Variants in PTPRJ observed in about 807,000 individuals in gnomAD.
PTPRJ encodes the protein protein tyrosine phosphatase receptor type J.
Under a neutral mutation model 141.3 loss-of-function variants are expected in PTPRJ, and 129 were observed. The ratio of observed to expected loss-of-function variants is 0.91; its 90% CI spans 0.79 to 1.06. The LOEUF (loss-of-function observed/expected upper bound fraction) is 1.06, where lower values mean the gene tolerates loss of function less well. Ranked by LOEUF, PTPRJ falls within the 50% of genes least tolerant of loss-of-function variation. The pLI is 0.00. For synonymous variants in PTPRJ, 610 were observed against 640.5 expected, an observed-to-expected ratio of 0.95 and a Z score of 0.72; for missense variants, 1,601 against 1,679.7, an observed-to-expected ratio of 0.95 and a Z score of 0.82.
chr11:48,151,350 C>T (rs560383775), intron 18 of PTPRJ, among the ~76,000 whole-genome samples: 1 of 151,396 alleles, frequency 6.6e-6, no homozygotes, highest in South Asian at 2.1e-4. Context: ...CCTCATGTGT[C>T]TATGTCTCTT....
chr11:48,139,847 C>T, intron 11 of PTPRJ, 71 bp downstream of exon 11: 1 of 1,491,406 alleles, frequency 6.7e-7, no homozygotes, highest in East Asian at 2.3e-5. Context: ...CACAGTGGGT[C>T]TGCACGTGTG....
At chr11:48,039,211 A>T (rs1258018067) in intron 1 of PTPRJ, among the ~76,000 whole-genome samples, 1 of 151,518 alleles carries the variant, frequency 6.6e-6, no homozygotes, top group African/African-American at 2.4e-5. Context: ...AGCACTTGCT[A>T]TGCTGCTAAC....
At chr11:48,113,352 A>G (rs1250487677) in intron 3 of PTPRJ, among the ~76,000 whole-genome samples, 1 of 152,202 alleles carries the variant, frequency 6.6e-6, no homozygotes, top group Non-Finnish European at 1.5e-5. Context: ...TAGTATATAC[A>G]TTTCTACAGG....
intron 1 of PTPRJ, among the ~76,000 whole-genome samples, chr11:48,080,914 A>G (rs1286832335): frequency 2.6e-5 from 4 of 152,234 alleles, no homozygotes; most frequent in Non-Finnish European, 4.4e-5. Context: ...TATTGGGGGC[A>G]CTCAGGAATT....
chr11:48,134,943 T>G (rs1263333652), intron 8 of PTPRJ, among the ~76,000 whole-genome samples: 1 of 152,174 alleles, frequency 6.6e-6, no homozygotes, highest in Non-Finnish European at 1.5e-5. Context: ...GTTTTCCTCT[T>G]TGGTATGTAA....
In PTPRJ at chr11:48,145,014, G is replaced by T; in HGVS notation, c.2801G>T (p.Gly934Val). 6.2e-7 allele frequency: 1 copy of T among 1,614,112 alleles called. No individual in the cohort carries two copies. The highest frequency in any genetic ancestry group is 1.1e-5 in the South Asian group (1 of 91,074). Reference sequence around the variant, plus strand: ...TTATCCCACAGGGCTTGTGTGGCTGGCTTCACCAACATTACCTTCCACCCT... The same window carrying T: ...TTATCCCACAGGGCTTGTGTGGCTGTCTTCACCAACATTACCTTCCACCCT... The part of the protein sequence containing the change: ...PLGSYRACVA[G>V]FTNITFHPQN... Residue 934 changes from glycine (G) to valine (V), a missense_variant, in exon 14 of 25, where the codon GGC becomes GTC. Transcript: ENST00000418331.
intron 6 of PTPRJ, among the ~76,000 whole-genome samples, chr11:48,125,552 T>A (rs556550227): frequency 6.6e-6 from 1 of 152,268 alleles, no homozygotes; most frequent in Non-Finnish European, 1.5e-5. Flanking sequence ...AAGAAAGTTA[T>A]GAAAGTGAGT....
chr11:48,164,384 G>A lies in PTPRJ; in HGVS notation c.3724G>A (p.Gly1242Arg). Residue 1242 changes from glycine (G) to arginine (R), a missense_variant, in exon 24 of 25, where the codon GGG becomes AGG. Coordinates refer to ENST00000418331, the MANE Select transcript of PTPRJ (RefSeq NM_002843.4). Reference protein sequence around the residue: ...ESPILVHCSAGVGRTGTFIAI... With the variant: ...ESPILVHCSARVGRTGTFIAI... Reference sequence around the variant, plus strand: ...CTTATTTCTCTTTTCTCTCAGTGCTGGGGTCGGAAGGACGGGCACTTTCAT... The same window carrying A: ...CTTATTTCTCTTTTCTCTCAGTGCTAGGGTCGGAAGGACGGGCACTTTCAT... 1 of 1,613,808 alleles carries A rather than the reference G, an allele frequency of 6.2e-7. No individual in the cohort carries two copies. The highest frequency in any genetic ancestry group is 8.5e-7 in the Non-Finnish European group (1 of 1,179,900).
Position 48,155,894 on chromosome 11 carries a change from C to CA in PTPRJ, c.3303+21dup. 1 of 1,592,986 alleles carries CA rather than the reference C, an allele frequency of 6.3e-7. No homozygotes were observed. The highest frequency in any genetic ancestry group is 1.1e-5 in the South Asian group (1 of 90,464). On this transcript the variant is annotated intron_variant, in intron 20 of 24. Transcript: ENST00000418331. ...ATGCCTGTAAGTTGGGGGACGGTCT[C>CA]ACAGCACTGGACTGTTTCGATGAAA...
intron 1 of PTPRJ, among the ~76,000 whole-genome samples, chr11:47,988,232 C>G (rs1348247016): frequency 1.3e-5 from 2 of 152,204 alleles, no homozygotes; most frequent in East Asian, 3.9e-4. Context: ...TACAAGACCC[C>G]TAGAGAGTAT....
At chr11:47,981,515 C>A (rs978517493) in intron 1 of PTPRJ, among the ~76,000 whole-genome samples, 7 of 152,178 alleles carry the variant, frequency 4.6e-5, no homozygotes, top group African/African-American at 1.7e-4. Context: ...GGGCGAGGCG[C>A]GGGACTCCGG....
At chr11:48,153,361 C>T (rs1017523969) in intron 18 of PTPRJ, among the ~76,000 whole-genome samples, 1 of 151,728 alleles carries the variant, frequency 6.6e-6, no homozygotes, top group Non-Finnish European at 1.5e-5. Flanking sequence ...GGTGAAACCC[C>T]GTCTCTACTA....
chr11:47,989,411 C>A (rs1028768554), intron 1 of PTPRJ, among the ~76,000 whole-genome samples: 2 of 151,732 alleles, frequency 1.3e-5, no homozygotes, highest in East Asian at 1.9e-4. Context: ...GGATTACAGG[C>A]GTGTGCCACC....
chr11:48,130,361 C>G (rs570606448), intron 7 of PTPRJ, 98 bp from the exon 8 acceptor site: 3 of 1,250,260 alleles, frequency 2.4e-6, no homozygotes, highest in Admixed American at 4.5e-5. Flanking sequence ...GATCAGGTGT[C>G]CTAAGTGTAC....
chr11:48,086,267 G>A (rs1175066550), intron 1 of PTPRJ, among the ~76,000 whole-genome samples: 1 of 152,190 alleles, frequency 6.6e-6, no homozygotes, highest in East Asian at 1.9e-4. Flanking sequence ...TCTGCCTCCC[G>A]GTTCAGCGAT....
chr11:48,062,691 G>C (rs1854971699), intron 1 of PTPRJ, among the ~76,000 whole-genome samples: 1 of 152,226 alleles, frequency 6.6e-6, no homozygotes, highest in South Asian at 2.1e-4. Context: ...TCAAGGAAGA[G>C]AGATCGAACA....
chr11:48,156,270 C>A, intron 21 of PTPRJ, 151 bp downstream of exon 21: 4 of 673,234 alleles, frequency 5.9e-6, no homozygotes, highest in Non-Finnish European at 9.5e-6. Flanking sequence ...TTTTTTTCCC[C>A]ATAAGAGAAA....
intron 1 of PTPRJ, among the ~76,000 whole-genome samples, chr11:48,007,742 G>A (rs1186998062): frequency 1.3e-5 from 2 of 152,252 alleles, no homozygotes; most frequent in Non-Finnish European, 1.5e-5. Flanking sequence ...CCTCCAGGCA[G>A]CAGCAAGCTG....
intron 21 of PTPRJ, among the ~76,000 whole-genome samples, chr11:48,159,111 T>A (rs1857690128): frequency 1.0e-5 from 1 of 96,610 alleles, no homozygotes; most frequent in Non-Finnish European, 2.2e-5. Context: ...TGTGTGTGTG[T>A]GTGTATGTGG....
Sources: allele counts gnomAD v4.1 joint callset (sites outside exome capture counted in the v4.1 genomes callset), GRCh38; gene constraint gnomAD v4.1.1; transcripts MANE v1.5; gene names NCBI Gene and HGNC (gene_info 2026-07-23, HGNC 2026-07-21).